The following BEND3 variants were observed in gnomAD, a reference collection of about 807,000 sequenced individuals.
BEND3 encodes BEN domain containing 3.
In BEND3, 13 loss-of-function variants were observed where a neutral mutation model predicts 60.1. The observed-to-expected ratio is 0.22, with a 90% CI of 0.14 to 0.34. BEND3 has a LOEUF of 0.34. Among genes scored for constraint, BEND3 ranks in the 10% least tolerant of loss-of-function variants. The pLI is 1.00. For synonymous variants in BEND3, 497 were observed against 491.5 expected, an observed-to-expected ratio of 1.01 and a Z score of -0.15; for missense variants, 896 against 1,138.1, an observed-to-expected ratio of 0.79 and a Z score of 3.06.
chr6:107,084,161 T>TC, intron 3 of BEND3, among the ~76,000 whole-genome samples: 1 of 152,220 alleles, frequency 6.6e-6, no homozygotes, highest in African/African-American at 2.4e-5. Flanking sequence ...GTACAGAGAC[T>TC]CCCAGCTTAC....
intron 3 of BEND3, among the ~76,000 whole-genome samples, chr6:107,076,776 A>G (rs1038644621): frequency 6.6e-6 from 1 of 152,172 alleles, no homozygotes; most frequent in Non-Finnish European, 1.5e-5. Context: ...CTGGAATCAC[A>G]GTCGCATGAA....
chr6:107,077,565 C>T (rs9386604), intron 3 of BEND3, among the ~76,000 whole-genome samples: 52,918 of 151,820 alleles, frequency 0.35, 10,343 homozygotes, highest in Non-Finnish European at 0.45. Flanking sequence ...CTAAGATGGC[C>T]GAAGAAACAA....
chr6:107,086,391 CGGATCACGA>C (rs1775348452), intron 3 of BEND3, among the ~76,000 whole-genome samples: 1 of 151,918 alleles, frequency 6.6e-6, no homozygotes, highest in African/African-American at 2.4e-5. Context: ...CCGAGGTGGG[CGGATCACGA>C]GGTCAAGAGA....
chr6:107,087,530 A>G (rs1775378537), intron 3 of BEND3, among the ~76,000 whole-genome samples: 1 of 152,172 alleles, frequency 6.6e-6, no homozygotes, highest in Admixed American at 6.6e-5. Flanking sequence ...CGAGGTCAGG[A>G]GTTTGAGACC....
chr6:107,077,710 G>A (rs1775129469), intron 3 of BEND3, among the ~76,000 whole-genome samples: 1 of 152,130 alleles, frequency 6.6e-6, no homozygotes, highest in Non-Finnish European at 1.5e-5. Flanking sequence ...ATGTTTGAGT[G>A]CCCAGTTCGG....
intron 3 of BEND3, among the ~76,000 whole-genome samples, chr6:107,079,550 C>T (rs1298439027): frequency 6.6e-6 from 1 of 152,198 alleles, no homozygotes; most frequent in Admixed American, 6.5e-5. Context: ...CAGAGCCCCA[C>T]AGCCTGACTG....
chr6:107,073,201 G>GTGTATATATA (rs1775021830), intron 3 of BEND3, among the ~76,000 whole-genome samples: 1 of 22,646 alleles, frequency 4.4e-5, no homozygotes, highest in African/African-American at 1.5e-4. Context: ...GTATGTGTAT[G>GTGTATATATA]TATATATATA....
At chr6:107,085,752 A>C (rs1477835651) in intron 3 of BEND3, among the ~76,000 whole-genome samples, 1 of 146,824 alleles carries the variant, frequency 6.8e-6, no homozygotes, top group Non-Finnish European at 1.5e-5. Flanking sequence ...CAGCCTCCCA[A>C]AGTGCTGGGA....
intron 3 of BEND3, among the ~76,000 whole-genome samples, chr6:107,090,537 AAAT>A (rs1324885583): frequency 6.6e-6 from 1 of 152,246 alleles, no homozygotes; most frequent in Admixed American, 6.5e-5. Flanking sequence ...TCTTTGTTCA[AAAT>A]AATAATAGCA....
intron 3 of BEND3, among the ~76,000 whole-genome samples, chr6:107,080,064 C>T (rs1391007340): frequency 6.6e-6 from 1 of 151,940 alleles, no homozygotes; most frequent in Non-Finnish European, 1.5e-5. Flanking sequence ...TGGCTGCATC[C>T]TCTAGGTTCC....
At chr6:107,084,744 C>A (rs2115011283) in intron 3 of BEND3, among the ~76,000 whole-genome samples, 1 of 152,286 alleles carries the variant, frequency 6.6e-6, no homozygotes, top group South Asian at 2.1e-4. Context: ...TGTAAAAACG[C>A]ATCAATCAGC....
At chr6:107,098,776 C>T in intron 2 of BEND3, 23 bp from the exon 3 acceptor site, 1 of 1,605,868 alleles carries the variant, frequency 6.2e-7, no homozygotes, top group Non-Finnish European at 8.5e-7. Context: ...AGAAATAGGG[C>T]TCAGTGGGAA....
intron 3 of BEND3, among the ~76,000 whole-genome samples, 156 bp downstream of exon 3, chr6:107,098,395 C>G (rs887370232): frequency 6.6e-6 from 1 of 152,160 alleles, no homozygotes; most frequent in Non-Finnish European, 1.5e-5. Flanking sequence ...CAGACACTTT[C>G]GAGAAACTGA....
intron 3 of BEND3, among the ~76,000 whole-genome samples, chr6:107,080,373 AAAAAC>A (rs1562303891): frequency 7.1e-6 from 1 of 140,440 alleles, no homozygotes; most frequent in African/African-American, 3.0e-5. Context: ...AAAAAAAAAA[AAAAAC>A]AAAAAACAGG....
intron 3 of BEND3, among the ~76,000 whole-genome samples, chr6:107,080,363 A>AAAC (rs1775202797): frequency 6.8e-6 from 1 of 147,884 alleles, no homozygotes; most frequent in African/African-American, 2.6e-5. Flanking sequence ...TCAAAAAAAA[A>AAAC]AAAAAAAAAA....
chr6:107,069,837 G>A lies in BEND3; in HGVS notation c.1354C>T (p.Arg452Cys), dbSNP rs782465261. 1.2e-6 allele frequency: 2 copies of A among 1,613,490 alleles called. No homozygotes were observed. The highest frequency in any genetic ancestry group is 1.1e-5 in the South Asian group (1 of 91,066). Residue 452 changes from arginine to cysteine, a missense_variant, in exon 4 of 4, where the codon CGC becomes TGC. Around this residue, in one of 4 missense-constraint regions of BEND3, gnomAD observed 846 missense variants for 1,036.7 expected, o/e 0.82. Coordinates refer to ENST00000369042, the MANE Select transcript of BEND3 (RefSeq NM_001367314.1). ...GGGAAGTAGATCTCCGTGTAGTTGC[G>A]GATGATCTGCAGCCGCTGCGGGTCC... ...ELDPQRLQII[R>C]NYTEIYFPDM...
At chr6:107,112,734 T>G (rs1305750443) in intron 1 of BEND3, among the ~76,000 whole-genome samples, 5 of 151,414 alleles carry the variant, frequency 3.3e-5, no homozygotes, top group Non-Finnish European at 5.9e-5. Context: ...GCGCCTATAA[T>G]CCCAGTTACT....
rs1369312313 is a variant in BEND3 at position 107,115,445 on chromosome 6, ACGGCCGCGGCGGGGAGCT to A, written c.-385_-368del. ...CGGCGGCGGCGGCGCTCGGGCGTGA[ACGGCCGCGGCGGGGAGCT>A]CGGGCGCGCACTCCCGGGACCCAGG... On this transcript the variant is annotated 5_prime_UTR_variant, in exon 1 of 4. Transcript: ENST00000369042. Among the ~76,000 whole-genome samples, 1 of 147,108 alleles carries A rather than the reference ACGGCCGCGGCGGGGAGCT, an allele frequency of 6.8e-6. No individual in the cohort carries two copies. Among genetic ancestry groups the A allele is most frequent in the Admixed American group, 6.7e-5 (1 of 14,876 alleles).
At chr6:107,106,901 C>T (rs1487637947) in intron 1 of BEND3, among the ~76,000 whole-genome samples, 1 of 151,970 alleles carries the variant, frequency 6.6e-6, no homozygotes, top group Non-Finnish European at 1.5e-5. Context: ...AGCCACCACA[C>T]CTGACCCTTA....
Sources: allele counts gnomAD v4.1 joint callset (sites outside exome capture counted in the v4.1 genomes callset), GRCh38; gene constraint gnomAD v4.1.1; regional missense constraint gnomAD v4.1.1; transcripts MANE v1.5; gene names NCBI Gene and HGNC (gene_info 2026-07-23, HGNC 2026-07-21).